KRIT1: variants seen among roughly 807,000 people sequenced by gnomAD.
The protein encoded by KRIT1 is krev interaction trapped protein 1.
Under a neutral mutation model 95.8 loss-of-function variants are expected in KRIT1, and 45 were observed. That is an observed-to-expected ratio of 0.47 (90% confidence interval 0.37 to 0.60). The LOEUF is 0.60. Ranked by LOEUF, KRIT1 falls within the 20% of genes least tolerant of loss-of-function variation. The pLI is 0.00. For synonymous variants in KRIT1, 282 were observed against 278.8 expected (o/e 1.01, Z -0.11); for missense variants, 788 against 877.5 (o/e 0.90, Z 1.29).
At chr7:92,221,809 G>T in intron 14 of KRIT1, 93 bp downstream of exon 14, 4 of 1,015,918 alleles carry the variant, frequency 3.9e-6, no homozygotes, top group Non-Finnish European at 4.5e-6. Context: ...TCGATTTAAG[G>T]ATGTAAGCAC....
chr7:92,237,393 AC>A (rs1283054189), intron 6 of KRIT1, among the ~76,000 whole-genome samples: 25 of 152,208 alleles, frequency 1.6e-4, no homozygotes, highest in African/African-American at 5.5e-4. Context: ...CTTTATTGTA[AC>A]CTGAGCACTT....
chr7:92,216,087 G>C (rs1023344890), intron 14 of KRIT1, among the ~76,000 whole-genome samples: 1 of 151,776 alleles, frequency 6.6e-6, no homozygotes, highest in African/African-American at 2.4e-5. Flanking sequence ...AAATTAGCTA[G>C]GCATGGTGGC....
intron 14 of KRIT1, among the ~76,000 whole-genome samples, chr7:92,219,082 C>T (rs542185248): frequency 3.9e-5 from 6 of 152,148 alleles, no homozygotes; most frequent in Non-Finnish European, 7.3e-5. Context: ...CTCACTGCCC[C>T]CTCCACCTCC....
intron 5 of KRIT1, 166 bp downstream of exon 5, chr7:92,240,827 C>T (rs772652744): frequency 1.6e-4 from 101 of 627,318 alleles, no homozygotes; most frequent in Middle Eastern, 4.2e-4. Context: ...CAAGTTACAT[C>T]TTGAAGGGGC....
At chr7:92,216,011 C>T (rs1427095275) in intron 14 of KRIT1, among the ~76,000 whole-genome samples, 9 of 151,930 alleles carry the variant, frequency 5.9e-5, no homozygotes, top group Non-Finnish European at 1.3e-4. Context: ...GGGCGGATCA[C>T]GAGGCCAGGA....
At position 92,245,078 on chromosome 7, in the gene KRIT1, AAAT is replaced by A. The variant is rs1420227353; in HGVS notation, c.-330_-328del. On this transcript the variant is annotated 5_prime_UTR_variant, in exon 2 of 19. Coordinates refer to ENST00000394505, the MANE Select transcript of KRIT1 (RefSeq NM_194454.3). Reference sequence around the variant, plus strand: ...ACATATGCACTCCAGAAGGGTAAGAAAATAATGAGGCTGAGATCCTGAGTTGGA... The same window carrying A: ...ACATATGCACTCCAGAAGGGTAAGAAAATGAGGCTGAGATCCTGAGTTGGA... The A allele has an allele frequency of 6.6e-6, 1 of 152,140 alleles. No individual in the cohort carries two copies. The highest frequency in any genetic ancestry group is 1.5e-5 in the Non-Finnish European group (1 of 68,032). The allele number at this position is 152,140 out of a possible 1,614,324, so 9.4% of individuals were successfully genotyped here. A position where few individuals can be genotyped will look rare whatever the true frequency, so the allele number is the denominator to read the frequency against.
intron 14 of KRIT1, among the ~76,000 whole-genome samples, chr7:92,217,463 A>C (rs958389958): frequency 5.3e-5 from 8 of 152,096 alleles, no homozygotes; most frequent in African/African-American, 1.9e-4. Flanking sequence ...GATAACCTCC[A>C]ATCTATTTTT....
Position 92,222,903 on chromosome 7 carries a change from C to T in KRIT1, c.1330G>A (p.Val444Met). The T allele has an allele frequency of 1.2e-6, 2 of 1,603,194 alleles. No homozygotes were observed. The highest frequency in any genetic ancestry group is 2.7e-5 in the African/African-American group (2 of 74,812). The change falls in exon 13 of 19, where the codon GTG becomes ATG. Residue 444 changes from valine (V) to methionine (M), a missense_variant. By Grantham distance (21) the Val-to-Met change is conservative. Around this residue, in one of 3 missense-constraint regions of KRIT1, gnomAD observed 493 missense variants for 582.3 expected, o/e 0.85. Transcript: ENST00000394505. ...CGCATTCCTTCCATTATCTGCTGCA[C>T]TGTGGTATTATTTCCATGCTTCAAT... ...VELKHGNNTT[V>M]QQIMEGMRLS...
At chr7:92,216,607 C>T (rs1372183370) in intron 14 of KRIT1, among the ~76,000 whole-genome samples, 1 of 152,008 alleles carries the variant, frequency 6.6e-6, no homozygotes, top group Non-Finnish European at 1.5e-5. Flanking sequence ...AGAAGATGCA[C>T]GTCAAAATAT....
In KRIT1 at chr7:92,234,720, T is replaced by C. The variant is rs1253278529; in HGVS notation, c.845+88A>G. 6.4e-6 allele frequency: 7 copies of C among 1,087,396 alleles called. No individual in the cohort carries two copies. The African/African-American group carries it at 7.8e-5, about 12-fold the overall frequency. The allele number at this position is 1,087,396 out of a possible 1,614,324, so 67.4% of individuals were successfully genotyped here. On this transcript the variant is annotated intron_variant, in intron 9 of 18. Transcript: ENST00000394505. ...TAAACTCAATAGTGACTACAATGCA[T>C]ACAAATTGCATATATAATTTTAAAC...
Position 92,200,455 on chromosome 7 carries a change from A to C in KRIT1, c.*281T>G, listed in dbSNP as rs1018083093. 2.5e-6 allele frequency: 1 copy of C among 395,160 alleles called. No individual in the cohort carries two copies. Among genetic ancestry groups the C allele is most frequent in the Non-Finnish European group, 4.8e-6 (1 of 209,106 alleles). 24.5% of individuals were successfully genotyped at this position (395,160 alleles called of 1,614,324 possible). ...CTACAACCTCCACCTCCTGGGTTTAAGCGATCTCCCACCTTGGCCTCCCTA... is the reference window on the plus strand; with the variant it reads ...CTACAACCTCCACCTCCTGGGTTTACGCGATCTCCCACCTTGGCCTCCCTA... On this transcript the variant is annotated 3_prime_UTR_variant, in exon 19 of 19. Coordinates refer to ENST00000394505, the MANE Select transcript of KRIT1 (RefSeq NM_194454.3).
At chr7:92,205,736 AAAAAC>A (rs1791331523) in intron 17 of KRIT1, 1 of 152,238 alleles carries the variant, frequency 6.6e-6, no homozygotes, top group Non-Finnish European at 1.5e-5. Flanking sequence ...CTCTGTCTCA[AAAAAC>A]AAAACAAAAT....
chr7:92,213,166 T>C (rs1201947226), intron 17 of KRIT1, 29 bp downstream of exon 17: 22 of 1,458,964 alleles, frequency 1.5e-5, no homozygotes, highest in Non-Finnish European at 1.9e-5. Flanking sequence ...TTATATGACA[T>C]GATTGGTAAA....
chr7:92,236,113 C>A, intron 7 of KRIT1: 2 of 285,624 alleles, frequency 7.0e-6, no homozygotes, highest in South Asian at 4.3e-5. Context: ...TGAATGACTT[C>A]TTCACTGATA....
chr7:92,226,314 TA>T (rs200972364), intron 11 of KRIT1, among the ~76,000 whole-genome samples: 11 of 149,550 alleles, frequency 7.4e-5, no homozygotes, highest in African/African-American at 7.3e-5. Context: ...TTAAAAAATC[TA>T]AAAAAAAAAT....
At chr7:92,233,513 TCTC>T (rs1464166526) in intron 10 of KRIT1, among the ~76,000 whole-genome samples, 2 of 151,792 alleles carry the variant, frequency 1.3e-5, no homozygotes, top group Non-Finnish European at 2.9e-5. Flanking sequence ...TTCAAGCTAT[TCTC>T]CTGCCTCAGC....
chr7:92,242,297 A>G, intron 3 of KRIT1, 160 bp from the exon 4 acceptor site: 1 of 602,344 alleles, frequency 1.7e-6, no homozygotes, highest in Non-Finnish European at 2.9e-6. Context: ...TAGAATATAC[A>G]GTGCCTAAAA....
chr7:92,210,407 A>C (rs772169699), intron 17 of KRIT1, among the ~76,000 whole-genome samples: 2 of 152,202 alleles, frequency 1.3e-5, no homozygotes, highest in Non-Finnish European at 2.9e-5. Context: ...ATTTTCAACA[A>C]AGGTGCCAAG....
At position 92,237,718 on chromosome 7, in the gene KRIT1, C is replaced by G; in HGVS notation, c.304G>C (p.Glu102Gln). ...VLMKKFPLDG[E>Q]KMGREASLFI... ...AATGATGCTTCTCTGCCCATCTTCT[C>G]TCCATCCAGAGGAAATTTTTTCATT... Residue 102 changes from glutamate (E) to glutamine (Q), a missense_variant, in exon 6 of 19, where the codon GAG becomes CAG. Glu to Gln is a conservative substitution (Grantham distance 29, BLOSUM62 2). Coordinates refer to ENST00000394505, the MANE Select transcript of KRIT1 (RefSeq NM_194454.3). The G allele has an allele frequency of 4.3e-6, 7 of 1,609,614 alleles. No homozygotes were observed. The highest frequency in any genetic ancestry group is 5.1e-6 in the Non-Finnish European group (6 of 1,176,236).
Sources: gnomAD v4.1 joint callset for allele counts (sites outside exome capture counted in the v4.1 genomes callset) on GRCh38, gnomAD v4.1.1 for gene constraint, gnomAD v4.1.1 regional missense constraint, MANE v1.5 for transcripts, NCBI Gene and HGNC (gene_info 2026-07-23, HGNC 2026-07-21) for gene names.